Variants in ITGAM observed in about 807,000 individuals in gnomAD.
The protein encoded by ITGAM is integrin alpha-M.
Under a neutral mutation model 137.5 loss-of-function variants are expected in ITGAM, and 79 were observed. The observed-to-expected ratio is 0.57, with a 90% CI of 0.48 to 0.69. The LOEUF is 0.69. Ranked by LOEUF, ITGAM falls within the 30% of genes least tolerant of loss-of-function variation. The probability of loss-of-function intolerance (pLI) is 0.00; values close to 1 mark genes in which losing one functional copy is unlikely to be tolerated. For missense variants in ITGAM, 1,343 were observed against 1,483.5 expected (o/e 0.91, Z 1.56); for synonymous variants, 583 against 592.3 (o/e 0.98, Z 0.23).
intron 21 of ITGAM, among the ~76,000 whole-genome samples, chr16:31,326,535 C>T (rs1313226295): frequency 6.6e-6 from 1 of 152,094 alleles, no homozygotes; most frequent in Non-Finnish European, 1.5e-5. Context: ...TTGTGCCTCA[C>T]TCTCCCAAGT....
chr16:31,296,017 C>T (rs2080129018), intron 12 of ITGAM, among the ~76,000 whole-genome samples: 1 of 151,678 alleles, frequency 6.6e-6, no homozygotes, highest in Admixed American at 6.6e-5. Flanking sequence ...TGTGATATGC[C>T]ACATTAATTG....
At chr16:31,274,478 C>T (rs574502220) in intron 8 of ITGAM, among the ~76,000 whole-genome samples, 1 of 152,180 alleles carries the variant, frequency 6.6e-6, no homozygotes, top group Non-Finnish European at 1.5e-5. Flanking sequence ...GTTCCAACAG[C>T]TGCTTTGAGC....
At chr16:31,312,036 C>CA (rs1176936072) in intron 14 of ITGAM, among the ~76,000 whole-genome samples, 1 of 147,042 alleles carries the variant, frequency 6.8e-6, no homozygotes, top group African/African-American at 2.5e-5. Context: ...ATCGCAAGGA[C>CA]AAAAAACCAA....
chr16:31,311,465 G>T (rs1280258298), intron 14 of ITGAM, among the ~76,000 whole-genome samples: 1 of 152,138 alleles, frequency 6.6e-6, no homozygotes, highest in East Asian at 1.9e-4. Context: ...CCATCAAAAA[G>T]TGGGTGAAGG....
rs41469346 is a variant in ITGAM, at chr16:31,321,769, G to C, written c.2002+142G>C. ...AACCTTCTCCAAGCCTTACCTGAGT[G>C]AGCAGGCTATTGTCCTGCTGGGTAG... On this transcript the variant is annotated intron_variant, in intron 16 of 29. Transcript: ENST00000544665. 2.0e-3 allele frequency: 1,719 copies of C among 851,348 alleles called. 33 individuals are homozygous for C. The African/African-American group carries it at 0.027, about 13-fold the overall frequency. 52.7% of individuals were successfully genotyped at this position (851,348 alleles called of 1,614,324 possible). A position where few individuals can be genotyped will look rare whatever the true frequency, so the allele number is the denominator to read the frequency against.
Position 31,270,742 on chromosome 16 carries a change from T to TATATATATATATATATATA in ITGAM, c.428-210_428-209insATATATATATATATATAAT, listed in dbSNP as rs1343169219. Reference sequence around the variant, plus strand: ...ATATATATATATATATATATATATATATGTTTTTAACGTGTGTATACATAT... The same window carrying TATATATATATATATATATA: ...ATATATATATATATATATATATATATATATATATATATATATATAATGTTTTTAACGTGTGTATACATAT... On this transcript the variant is annotated intron_variant, in intron 5 of 29. Transcript: ENST00000544665. Among the ~76,000 whole-genome samples, 16 of 109,898 alleles carry TATATATATATATATATATA rather than the reference T, an allele frequency of 1.5e-4. 1 individual carries two copies. Among genetic ancestry groups the TATATATATATATATATATA allele is most frequent in the African/African-American group, 5.9e-4 (15 of 25,244 alleles). 72.1% of individuals were successfully genotyped at this position (109,898 alleles called of 152,430 possible).
chr16:31,285,091 AG>A (rs2144340452), intron 12 of ITGAM, among the ~76,000 whole-genome samples: 2 of 152,156 alleles, frequency 1.3e-5, no homozygotes, highest in South Asian at 4.1e-4. Flanking sequence ...GGTCCACGTG[AG>A]GGGGTCGTGA....
intron 10 of ITGAM, 77 bp from the exon 11 acceptor site, chr16:31,276,843 C>T: frequency 1.9e-6 from 3 of 1,586,734 alleles, no homozygotes; most frequent in Non-Finnish European, 1.7e-6. Context: ...GTGATAGATA[C>T]TTGGGAAGTA....
intron 8 of ITGAM, chr16:31,273,723 C>T (rs889568160): frequency 6.2e-6 from 3 of 482,428 alleles, no homozygotes; most frequent in South Asian, 5.5e-5. Flanking sequence ...ATAAGTAAGC[C>T]TGTGGGTCAG....
intron 12 of ITGAM, among the ~76,000 whole-genome samples, chr16:31,286,692 G>A (rs2080033160): frequency 6.6e-6 from 1 of 151,894 alleles, no homozygotes. Context: ...TTTTTAATGG[G>A]GTTATTTGTT....
At position 31,315,605 on chromosome 16, in the gene ITGAM, C is replaced by T. The variant is rs917229442; in HGVS notation, c.1708-5636C>T. On this transcript the variant is annotated intron_variant, in intron 14 of 29. Coordinates refer to ENST00000544665, the MANE Select transcript of ITGAM (RefSeq NM_000632.4). ...CCCAAGTAGCTGGGATTACAGGCCT[C>T]CGCCACCATGCCTGGCTACTTTTTT... 1.7e-4 allele frequency among the ~76,000 whole-genome samples: 26 copies of T among 152,070 alleles called. 1 individual carries two copies. Among genetic ancestry groups the T allele is most frequent in the Middle Eastern group, 3.4e-3 (1 of 294 alleles).
chr16:31,312,033 G>A (rs1346568844), intron 14 of ITGAM, among the ~76,000 whole-genome samples: 1 of 149,982 alleles, frequency 6.7e-6, no homozygotes, highest in Non-Finnish European at 1.5e-5. Flanking sequence ...ACTATCGCAA[G>A]GACAAAAAAC....
intron 7 of ITGAM, among the ~76,000 whole-genome samples, chr16:31,272,604 C>T (rs1368219143): frequency 2.1e-5 from 3 of 144,986 alleles, no homozygotes; most frequent in African/African-American, 7.6e-5. Flanking sequence ...CTGCCTCAGC[C>T]TCCTGAGTAG....
At chr16:31,318,559 G>A (rs1443919595) in intron 14 of ITGAM, among the ~76,000 whole-genome samples, 4 of 152,040 alleles carry the variant, frequency 2.6e-5, no homozygotes, top group East Asian at 1.9e-4. Flanking sequence ...GGCCAGGCTG[G>A]TTTTGAACTC....
chr16:31,275,615 C>G lies in ITGAM; in HGVS notation c.925C>G (p.Arg309Gly). 6.2e-7 allele frequency: 1 copy of G among 1,613,924 alleles called. No individual in the cohort carries two copies. Among genetic ancestry groups the G allele is most frequent in the Non-Finnish European group, 8.5e-7 (1 of 1,179,814 alleles). The change falls in exon 9 of 30, where the codon CGT (arginine) becomes GGT (glycine). Residue 309 changes from arginine to glycine, a missense_variant. Physicochemically the swap from Arg to Gly is moderately radical, Grantham distance 125. Coordinates refer to ENST00000544665, the MANE Select transcript of ITGAM (RefSeq NM_000632.4). ...TAATACCATCGCATCCAAGCCGCCT[C>G]GTGATCACGTGTTCCAGGTGAATAA... ...ELNTIASKPP[R>G]DHVFQVNNFE... is the part of the protein sequence containing the mutation.
chr16:31,277,937 G>A, intron 11 of ITGAM, 30 bp from the exon 12 acceptor site: 1 of 1,564,340 alleles, frequency 6.4e-7, no homozygotes, highest in Non-Finnish European at 8.7e-7. Context: ...GGCAGGGAAT[G>A]CACTTCACCT....
chr16:31,327,100 T>G, intron 22 of ITGAM, 165 bp downstream of exon 22: 2 of 673,070 alleles, frequency 3.0e-6, no homozygotes, highest in South Asian at 3.3e-5. Flanking sequence ...TTGTGCTGAG[T>G]GCTGGTGGGA....
At chr16:31,318,228 A>G (rs1475721757) in intron 14 of ITGAM, among the ~76,000 whole-genome samples, 1 of 152,060 alleles carries the variant, frequency 6.6e-6, no homozygotes, top group African/African-American at 2.4e-5. Flanking sequence ...TAGTCTCTTA[A>G]TGATCCTTTT....
At chr16:31,269,127 TCATCGGGAGTCGGA>T (rs1334711119) in intron 5 of ITGAM, among the ~76,000 whole-genome samples, 3 of 152,018 alleles carry the variant, frequency 2.0e-5, no homozygotes, top group Non-Finnish European at 2.9e-5. Context: ...AGGGATGAAA[TCATCGGGAGTCGGA>T]GCTGTCTTCT....
Sources: allele counts gnomAD v4.1 joint callset (sites outside exome capture counted in the v4.1 genomes callset), GRCh38; gene constraint gnomAD v4.1.1; transcripts MANE v1.5; gene names NCBI Gene and HGNC (gene_info 2026-07-23, HGNC 2026-07-21).